The following LYPLAL1 variants were observed in gnomAD, a reference collection of about 807,000 sequenced individuals.
The protein encoded by LYPLAL1 is lysophospholipase like 1, also known as lysophospholipase-like protein 1.
A neutral mutation model predicts 19.7 loss-of-function variants in LYPLAL1; 23 were observed. The observed-to-expected ratio is 1.17, with a 90% CI of 0.84 to 1.65. The LOEUF (loss-of-function observed/expected upper bound fraction) is 1.65, where lower values mean the gene tolerates loss of function less well. Ranked by LOEUF, LYPLAL1 falls within the 40% of genes most tolerant of loss-of-function variation. The pLI is 0.00. For synonymous variants in LYPLAL1, 119 were observed against 96.3 expected (o/e 1.24, Z -1.38); for missense variants, 355 against 279.4 (o/e 1.27, Z -1.93).
downstream of LYPLAL1, among the ~76,000 whole-genome samples, chr1:219,214,468 T>C (rs980999218): frequency 1.3e-5 from 2 of 152,062 alleles, no homozygotes; most frequent in South Asian, 2.1e-4. Context: ...CTTAACTGTT[T>C]GGTAGATTTC....
At chr1:219,389,476 G>A in the LYPLAL1 span, among the ~76,000 whole-genome samples, 1 of 152,278 alleles carries the variant, frequency 6.6e-6, no homozygotes, top group African/African-American at 2.4e-5. Context: ...GTGCAGAGAA[G>A]GAGACACCCT....
At chr1:219,213,777 T>A (rs1437558196), downstream of LYPLAL1, among the ~76,000 whole-genome samples, 2 of 152,092 alleles carry the variant, frequency 1.3e-5, no homozygotes. Flanking sequence ...CAATTATTAA[T>A]TTTAGGAGTT....
intron 2 of LYPLAL1, among the ~76,000 whole-genome samples, chr1:219,188,436 C>G (rs2125052278): frequency 6.6e-6 from 1 of 151,646 alleles, no homozygotes; most frequent in East Asian, 1.9e-4. Flanking sequence ...AAAGAGCCCT[C>G]TAAGTAGTGG....
At chr1:219,197,935 T>A (rs1451947722) in intron 3 of LYPLAL1, among the ~76,000 whole-genome samples, 1 of 152,120 alleles carries the variant, frequency 6.6e-6, no homozygotes, top group Non-Finnish European at 1.5e-5. Context: ...GGGAATCATG[T>A]CTTACCAGCC....
At chr1:219,286,650 C>T in the LYPLAL1 span, among the ~76,000 whole-genome samples, 1 of 152,206 alleles carries the variant, frequency 6.6e-6, no homozygotes, top group Non-Finnish European at 1.5e-5. Flanking sequence ...GCTGCTGCAT[C>T]CCACTGGTCA....
chr1:219,386,166 C>T, the LYPLAL1 span, among the ~76,000 whole-genome samples: 2 of 152,200 alleles, frequency 1.3e-5, no homozygotes, highest in Non-Finnish European at 2.9e-5. Context: ...GGGAAGCCTA[C>T]CTCCTCTGCC....
At chr1:219,411,217 C>A in the LYPLAL1 span, among the ~76,000 whole-genome samples, 1 of 121,446 alleles carries the variant, frequency 8.2e-6, no homozygotes, top group Non-Finnish European at 1.9e-5. Context: ...GTGCACCAAT[C>A]GACACTCTGT....
the LYPLAL1 span, among the ~76,000 whole-genome samples, chr1:219,276,182 A>T: frequency 1.3e-5 from 2 of 152,196 alleles, no homozygotes; most frequent in South Asian, 4.1e-4. Flanking sequence ...TTGAAGAAAA[A>T]AAAACATTAA....
At chr1:219,244,018 A>C in the LYPLAL1 span, among the ~76,000 whole-genome samples, 2 of 152,058 alleles carry the variant, frequency 1.3e-5, no homozygotes, top group African/African-American at 2.4e-5. Context: ...ACAGAAATGT[A>C]CAAGAGGAAA....
chr1:219,332,510 G>A, the LYPLAL1 span, among the ~76,000 whole-genome samples: 1 of 152,044 alleles, frequency 6.6e-6, no homozygotes, highest in Non-Finnish European at 1.5e-5. Flanking sequence ...AAGCCACTAA[G>A]TTTTGGGGTA....
the LYPLAL1 span, among the ~76,000 whole-genome samples, chr1:219,265,856 A>G: frequency 6.6e-6 from 1 of 152,178 alleles, no homozygotes; most frequent in Non-Finnish European, 1.5e-5. Context: ...ATATCTAAAC[A>G]TAGCTAAACA....
the LYPLAL1 span, among the ~76,000 whole-genome samples, chr1:219,229,568 A>G: frequency 4.3e-3 from 659 of 152,326 alleles, 2 homozygotes; most frequent in Non-Finnish European, 6.4e-3. Flanking sequence ...TCTCTGTCCT[A>G]GCGACAAGGT....
chr1:219,188,681 C>CTT (rs35665269), intron 2 of LYPLAL1, among the ~76,000 whole-genome samples: 175 of 145,170 alleles, frequency 1.2e-3, no homozygotes, highest in East Asian at 4.2e-3. Context: ...TGAATGTCAA[C>CTT]TTTTTTTTTT....
the LYPLAL1 span, among the ~76,000 whole-genome samples, chr1:219,352,335 G>C: frequency 2.6e-5 from 4 of 151,976 alleles, no homozygotes; most frequent in Admixed American, 6.5e-5. Context: ...TCGAGACCAC[G>C]GTGAAACCCC....
chr1:219,328,865 G>T, the LYPLAL1 span, among the ~76,000 whole-genome samples: 15 of 152,020 alleles, frequency 9.9e-5, no homozygotes, highest in African/African-American at 3.6e-4. Flanking sequence ...GACTAAAATT[G>T]CAAAACTAGT....
chr1:219,193,679 G>T (rs1047124889), intron 3 of LYPLAL1, among the ~76,000 whole-genome samples: 1 of 151,790 alleles, frequency 6.6e-6, no homozygotes, highest in South Asian at 2.1e-4. Flanking sequence ...AAGAATATTT[G>T]TAAATTTTTG....
the LYPLAL1 span, among the ~76,000 whole-genome samples, chr1:219,383,102 T>C: frequency 1.3e-5 from 2 of 152,224 alleles, no homozygotes; most frequent in East Asian, 3.8e-4. Context: ...AGCTGCTCAC[T>C]ACGTGGTTCC....
the LYPLAL1 span, among the ~76,000 whole-genome samples, chr1:219,365,703 C>G: frequency 6.6e-6 from 1 of 152,140 alleles, no homozygotes; most frequent in Non-Finnish European, 1.5e-5. Flanking sequence ...AAAGGAAAGA[C>G]TATCATATAA....
At chr1:219,386,066 G>GA in the LYPLAL1 span, among the ~76,000 whole-genome samples, 10 of 152,170 alleles carry the variant, frequency 6.6e-5, no homozygotes, top group Non-Finnish European at 1.3e-4. Flanking sequence ...CTGGAAAGGT[G>GA]AAAAATTCAG....
Sources: allele counts gnomAD v4.1 joint callset (sites outside exome capture counted in the v4.1 genomes callset), GRCh38; gene constraint gnomAD v4.1.1; transcripts MANE v1.5; gene names NCBI Gene and HGNC (gene_info 2026-07-23, HGNC 2026-07-21).